The following POLR3E variants were observed in gnomAD, a reference collection of about 807,000 sequenced individuals.
POLR3E encodes the protein RNA polymerase III subunit E, also known as DNA-directed RNA polymerase III subunit RPC5.
POLR3E carries 41 observed loss-of-function variants against 96.6 expected under a neutral mutation model. That is an observed-to-expected ratio of 0.42 (90% CI 0.33 to 0.55). The LOEUF is 0.55. Ranked by LOEUF, POLR3E falls within the 20% of genes least tolerant of loss-of-function variation. POLR3E has a pLI of 0.06. For synonymous variants in POLR3E, 396 were observed against 383.6 expected (o/e 1.03, Z -0.38); for missense variants, 849 against 952.1 (o/e 0.89, Z 1.43).
intron 5 of POLR3E, 51 bp downstream of exon 5, chr16:22,309,091 C>A: frequency 2.3e-6 from 3 of 1,285,214 alleles, no homozygotes; most frequent in Non-Finnish European, 3.4e-6. Context: ...CACACAGGAG[C>A]CTCCAAAAGA....
At chr16:22,316,096 CCTT>C (rs2048350579) in intron 9 of POLR3E, among the ~76,000 whole-genome samples, 1 of 152,178 alleles carries the variant, frequency 6.6e-6, no homozygotes, top group African/African-American at 2.4e-5. Flanking sequence ...TTCTCTGGAA[CCTT>C]CTTGGAAGAG....
At position 22,334,621 on chromosome 16, in the gene POLR3E, A is replaced by T. The variant is rs2048812965; in HGVS notation, c.*921A>T. ...GCAACCACATTAGTTTAAAAAGGTC[A>T]TGTTAGCATATTATTTAGCTCAAAA... is the stretch of plus-strand genomic sequence containing the variant. On this transcript the variant is annotated 3_prime_UTR_variant, in exon 21 of 21. Transcript: ENST00000299853. The T allele has an allele frequency of 6.6e-6, 1 of 152,220 alleles. No homozygotes were observed. The highest frequency in any genetic ancestry group is 2.4e-5 in the African/African-American group (1 of 41,460). The allele number at this position is 152,220 out of a possible 1,614,324, so 9.4% of individuals were successfully genotyped here.
In POLR3E at chr16:22,318,646, G is replaced by A. The variant is rs2048407747; in HGVS notation, c.866-180G>A. 6.6e-6 allele frequency among the ~76,000 whole-genome samples: 1 copy of A among 152,202 alleles called. No individual in the cohort carries two copies. The highest frequency in any genetic ancestry group is 2.4e-5 in the African/African-American group (1 of 41,450). ...ATCCTCAGATTTCATGAGGTGCCCA[G>A]TGCCTGGCATGTAGTGAGCAGCCTG... On this transcript the variant is annotated intron_variant, in intron 12 of 20. Coordinates refer to ENST00000299853, the MANE Select transcript of POLR3E (RefSeq NM_018119.4). This position sits in a 1 kb window ranked among gnomAD's most constrained non-coding sequence, Gnocchi z 5.0.
rs1051140222 is a variant in POLR3E at position 22,318,276 on chromosome 16, T to C, written c.866-550T>C. 2.0e-5 allele frequency among the ~76,000 whole-genome samples: 3 copies of C among 152,284 alleles called. No individual in the cohort carries two copies. The highest frequency in any genetic ancestry group is 1.9e-4 in the East Asian group (1 of 5,186). On this transcript the variant is annotated intron_variant, in intron 12 of 20. Transcript: ENST00000299853. This position sits in a 1 kb window ranked among gnomAD's most constrained non-coding sequence, Gnocchi z 5.0. ...GCCCAGCTAATTTTTGTATTTTTAG[T>C]AGAGATGGGGTTTCGCCTTGTTGGC...
At chr16:22,311,817 A>G (rs1430740262) in intron 6 of POLR3E, among the ~76,000 whole-genome samples, 1 of 152,086 alleles carries the variant, frequency 6.6e-6, no homozygotes, top group Non-Finnish European at 1.5e-5. Flanking sequence ...AGATACACAA[A>G]TACCATTCTG....
At chr16:22,305,657 G>A (rs1373980633) in intron 3 of POLR3E, among the ~76,000 whole-genome samples, 1 of 152,152 alleles carries the variant, frequency 6.6e-6, no homozygotes, top group Non-Finnish European at 1.5e-5. Flanking sequence ...GGCCGCTGTT[G>A]TCATGGAGGC....
At chr16:22,315,008 G>C in intron 8 of POLR3E, 81 bp from the exon 9 acceptor site, 3 of 1,486,480 alleles carry the variant, frequency 2.0e-6, no homozygotes, top group Non-Finnish European at 1.8e-6. Context: ...GGAGTTCTCT[G>C]GTCTTCTGGC....
intron 8 of POLR3E, 33 bp downstream of exon 8, chr16:22,314,161 G>T (rs569765174): frequency 6.3e-7 from 1 of 1,594,446 alleles, no homozygotes. Flanking sequence ...GGAGGGTGCT[G>T]CCTGGGCGGC....
intron 1 of POLR3E, chr16:22,302,497 G>A (rs967896044): frequency 1.2e-5 from 2 of 169,706 alleles, no homozygotes; most frequent in African/African-American, 4.8e-5. Flanking sequence ...ATATCAGAGA[G>A]CTTTGGACTG....
intron 9 of POLR3E, 77 bp from the exon 10 acceptor site, chr16:22,316,524 C>T (rs527653915): frequency 1.2e-4 from 128 of 1,101,992 alleles, no homozygotes; most frequent in Non-Finnish European, 1.6e-4. Flanking sequence ...GAGTGGAAGA[C>T]GGGAGGCCTT....
intron 1 of POLR3E, among the ~76,000 whole-genome samples, chr16:22,299,509 G>A (rs1461167521): frequency 6.6e-6 from 1 of 151,144 alleles, no homozygotes; most frequent in Non-Finnish European, 1.5e-5. Flanking sequence ...TGCCTTCTGG[G>A]TTCAAGTGAT....
chr16:22,298,336 G>A (rs1255569566), intron 1 of POLR3E, among the ~76,000 whole-genome samples: 1 of 152,202 alleles, frequency 6.6e-6, no homozygotes, highest in Non-Finnish European at 1.5e-5. Context: ...TGCAGCGTTT[G>A]ACTTGTGGCT....
chr16:22,298,619 C>G (rs910965412), intron 1 of POLR3E, among the ~76,000 whole-genome samples: 1 of 152,122 alleles, frequency 6.6e-6, no homozygotes, highest in Non-Finnish European at 1.5e-5. Context: ...AACCATACTG[C>G]CGTTTATCAG....
In POLR3E at chr16:22,332,089, C is replaced by G. The variant is rs2048752795; in HGVS notation, c.1974C>G (p.Ser658=). The change falls in exon 20 of 21, where the codon TCC becomes TCG. Residue 658 remains serine (S), a synonymous_variant. Transcript: ENST00000299853. ...GACAGGTTTTGCTTGAAATTTTTTC[C>G]AAAAATTACCGGGTACGCCGAAACA... ...QHRQVLLEIF[S]KNYRVRRNMI... The G allele has an allele frequency of 2.5e-6, 4 of 1,612,926 alleles. No individual in the cohort carries two copies. Among genetic ancestry groups the G allele is most frequent in the Non-Finnish European group, 2.5e-6 (3 of 1,179,372 alleles).
intron 9 of POLR3E, among the ~76,000 whole-genome samples, chr16:22,315,540 C>T (rs2048336868): frequency 6.6e-6 from 1 of 152,186 alleles, no homozygotes; most frequent in Non-Finnish European, 1.5e-5. Flanking sequence ...GATGCATTCT[C>T]CGGTTCTGTC....
At chr16:22,299,901 G>T (rs199712377) in intron 1 of POLR3E, among the ~76,000 whole-genome samples, 10,329 of 151,878 alleles carry the variant, frequency 0.068, 608 homozygotes, top group African/African-American at 0.15. Flanking sequence ...CCGGGGGGCG[G>T]GGGGCGCCTC....
At position 22,334,562 on chromosome 16, in the gene POLR3E, A is replaced by G. The variant is rs1004731258; in HGVS notation, c.*862A>G. On this transcript the variant is annotated 3_prime_UTR_variant, in exon 21 of 21. Transcript: ENST00000299853. Reference sequence around the variant, plus strand: ...CAGAGCAGCACTGTCCACTAGAAAGAGGCGAGTCACGTACATAATTTTGAA... The same window carrying G: ...CAGAGCAGCACTGTCCACTAGAAAGGGGCGAGTCACGTACATAATTTTGAA... 6.6e-6 allele frequency: 1 copy of G among 152,226 alleles called. No individual in the cohort carries two copies. Among genetic ancestry groups the G allele is most frequent in the Non-Finnish European group, 1.5e-5 (1 of 68,034 alleles). The allele number at this position is 152,226 out of a possible 1,614,324, so 9.4% of individuals were successfully genotyped here. A position where few individuals can be genotyped will look rare whatever the true frequency, so the allele number is the denominator to read the frequency against.
chr16:22,299,086 G>A (rs550701048), intron 1 of POLR3E: 3 of 455,994 alleles, frequency 6.6e-6, no homozygotes, highest in Non-Finnish European at 8.8e-6. Context: ...ACAGAGATGT[G>A]GTAGGGCCTG....
chr16:22,309,323 G>A, intron 5 of POLR3E, 105 bp from the exon 6 acceptor site: 1 of 917,116 alleles, frequency 1.1e-6, no homozygotes, highest in Non-Finnish European at 1.8e-6. Context: ...CTTGGTCCCT[G>A]GCTGTGGCAC....
Sources: allele counts gnomAD v4.1 joint callset (sites outside exome capture counted in the v4.1 genomes callset), GRCh38; gene constraint gnomAD v4.1.1; non-coding constraint Gnocchi (gnomAD v3.1); transcripts MANE v1.5; gene names NCBI Gene and HGNC (gene_info 2026-07-23, HGNC 2026-07-21).